The following ANXA1 variants were observed in gnomAD, a reference collection of about 807,000 sequenced individuals.
ANXA1 encodes the protein annexin I (lipocortin I).
In ANXA1, 39 loss-of-function variants were observed where a neutral mutation model predicts 47.9. That is an observed-to-expected ratio of 0.81 (90% CI 0.63 to 1.06). The LOEUF is 1.06. ANXA1 is among the 50% of genes least tolerant of loss of function. The pLI, the probability that ANXA1 is intolerant of heterozygous loss-of-function variation, is 0.00. For missense variants in ANXA1, 446 were observed against 422.7 expected (o/e 1.06, Z -0.48); for synonymous variants, 146 against 142.5 (o/e 1.02, Z -0.17).
intron 8 of ANXA1, 70 bp from the exon 9 acceptor site, chr9:73,165,046 A>G: frequency 8.1e-7 from 1 of 1,237,104 alleles, no homozygotes; most frequent in East Asian, 2.4e-5. Flanking sequence ...ATCTTTGACA[A>G]GGTCTAACAT....
intron 4 of ANXA1, 149 bp from the exon 5 acceptor site, chr9:73,160,114 G>C: frequency 2.1e-6 from 1 of 482,926 alleles, no homozygotes; most frequent in Non-Finnish European, 3.6e-6. Context: ...CAAAATATTT[G>C]GTACACTTTG....
Position 73,165,191 on chromosome 9 carries a change from T to C in ANXA1, c.688T>C (p.Tyr230His), listed in dbSNP as rs1824207128. Residue 230 changes from tyrosine (Y) to histidine (H), a missense_variant, in exon 9 of 13, where the codon TAT becomes CAT. Coordinates refer to ENST00000257497, the MANE Select transcript of ANXA1 (RefSeq NM_000700.3). ...VFNTILTTRS[Y>H]PQLRRVFQKY... ...CAATACCATCCTTACCACCAGAAGC[T>C]ATCCACAACTTCGCAGAGGTAACAA... 6.2e-7 allele frequency: 1 copy of C among 1,612,546 alleles called. No homozygotes were observed.
At chr9:73,151,971 T>C (rs1273957314) in intron 1 of ANXA1, 47 bp downstream of exon 1, 2 of 152,210 alleles carry the variant, frequency 1.3e-5, no homozygotes, top group African/African-American at 2.4e-5. Flanking sequence ...TTTTGAAAAC[T>C]TTTCTCATCA....
intron 1 of ANXA1, among the ~76,000 whole-genome samples, chr9:73,152,447 A>G (rs1823987079): frequency 6.6e-6 from 1 of 152,212 alleles, no homozygotes; most frequent in Non-Finnish European, 1.5e-5. Context: ...TCAAAGTGCT[A>G]ATCATGCTCT....
At chr9:73,159,533 A>C in intron 4 of ANXA1, 110 bp downstream of exon 4, 139 of 798,522 alleles carry the variant, frequency 1.7e-4, no homozygotes, top group Non-Finnish European at 2.5e-4. Context: ...CTGTTTTCTC[A>C]TTACATCTAT....
intron 1 of ANXA1, among the ~76,000 whole-genome samples, chr9:73,154,013 T>C (rs1824009159): frequency 6.6e-6 from 1 of 152,074 alleles, no homozygotes; most frequent in African/African-American, 2.4e-5. Context: ...TCAATGCTGA[T>C]GAGTCACTTA....
intron 1 of ANXA1, chr9:73,154,253 G>T (rs530143988): frequency 9.1e-4 from 1,160 of 1,273,886 alleles, no homozygotes; most frequent in Non-Finnish European, 1.1e-3. Context: ...TATGCACAAG[G>T]CCGTGCATTT....
chr9:73,156,163 AAAT>A (rs1283062410), intron 1 of ANXA1, among the ~76,000 whole-genome samples: 2 of 146,752 alleles, frequency 1.4e-5, no homozygotes, highest in Non-Finnish European at 3.0e-5. Context: ...ATAAATAAAT[AAAT>A]AAATAAAATA....
chr9:73,160,229 T>A, intron 4 of ANXA1, 34 bp from the exon 5 acceptor site: 2 of 1,446,936 alleles, frequency 1.4e-6, no homozygotes, highest in East Asian at 4.9e-5. Context: ...ATGTTACTTA[T>A]TGGAAGTCCT....
Position 73,159,411 on chromosome 9 carries a change from G to C in ANXA1, c.258G>C (p.Gln86His). Residue 86 changes from glutamine (Q) to histidine (H), a missense_variant, in exon 4 of 13, where the codon CAG becomes CAC. Transcript: ENST00000257497. ...QRQQIKAAYLQETGKPLDETL... is the reference protein window; with the variant it reads ...QRQQIKAAYLHETGKPLDETL... ...AACAGATCAAAGCAGCATATCTCCA[G>C]GAAACAGGAAAGGTAAGTTAGAGTG... 3.7e-6 allele frequency: 6 copies of C among 1,612,462 alleles called. No individual in the cohort carries two copies. Among genetic ancestry groups the C allele is most frequent in the Non-Finnish European group, 5.1e-6 (6 of 1,178,914 alleles).
At chr9:73,166,072 A>G in intron 9 of ANXA1, 25 bp from the exon 10 acceptor site, 3 of 1,546,012 alleles carry the variant, frequency 1.9e-6, no homozygotes, top group Non-Finnish European at 2.7e-6. Context: ...TTTTGCATGT[A>G]TCTTAGTTTG....
chr9:73,161,831 CA>C (rs1293574334), intron 6 of ANXA1, among the ~76,000 whole-genome samples: 3 of 152,220 alleles, frequency 2.0e-5, no homozygotes, highest in African/African-American at 7.2e-5. Flanking sequence ...ATATATTTTT[CA>C]TATGGCCAAG....
chr9:73,158,822 A>G lies in ANXA1; in HGVS notation c.175+19A>G, dbSNP rs1341293834. 1 of 1,588,380 alleles carries G rather than the reference A, an allele frequency of 6.3e-7. No homozygotes were observed. The highest frequency in any genetic ancestry group is 8.6e-7 in the Non-Finnish European group (1 of 1,157,176). On this transcript the variant is annotated intron_variant, in intron 3 of 12. Coordinates refer to ENST00000257497, the MANE Select transcript of ANXA1 (RefSeq NM_000700.3). ...GTTAAAGGTAACGTGTTTCCTCAAA[A>G]CAGTTCCCTCCTGGACATTTCAGAA...
rs772257128 is a variant in ANXA1 at position 73,154,382 on chromosome 9, T to C, written c.-15+2458T>C. The C allele has an allele frequency of 5.4e-5, 73 of 1,358,790 alleles. No individual in the cohort carries two copies. In the African/African-American group the frequency reaches 8.3e-4, roughly 15 times the overall value. The allele number at this position is 1,358,790 out of a possible 1,614,324, so 84.2% of individuals were successfully genotyped here. ...GAACACTGATCATGTCATTTTCTTTTTGGTCACTAATTCCCTCCCTCCCTT... is the reference window on the plus strand; with the variant it reads ...GAACACTGATCATGTCATTTTCTTTCTGGTCACTAATTCCCTCCCTCCCTT... On this transcript the variant is annotated intron_variant, in intron 1 of 12. Coordinates refer to ENST00000257497, the MANE Select transcript of ANXA1 (RefSeq NM_000700.3).
At chr9:73,168,051 T>C (rs1269053932) in intron 11 of ANXA1, 2 of 154,480 alleles carry the variant, frequency 1.3e-5, no homozygotes, top group African/African-American at 2.4e-5. Context: ...CTGTCTGACA[T>C]GCATGGTATT....
intron 1 of ANXA1, among the ~76,000 whole-genome samples, chr9:73,157,207 A>G (rs1419843749): frequency 1.3e-5 from 2 of 152,204 alleles, no homozygotes; most frequent in African/African-American, 2.4e-5. Flanking sequence ...ATGTGAAGAT[A>G]GCAATTACTT....
Position 73,163,612 on chromosome 9 carries a change from C to A in ANXA1, c.612+80C>A, listed in dbSNP as rs1189440521. The A allele has an allele frequency of 2.8e-6, 4 of 1,435,960 alleles. No individual in the cohort carries two copies. In the Admixed American group the frequency reaches 6.9e-5, roughly 25 times the overall value. The allele number at this position is 1,435,960 out of a possible 1,614,324, so 89.0% of individuals were successfully genotyped here. ...GCTACCACATGATCCCCTGTGAAAG[C>A]AAATCTAAGATCTTCTGAGAGACCA... On this transcript the variant is annotated intron_variant, in intron 8 of 12. Coordinates refer to ENST00000257497, the MANE Select transcript of ANXA1 (RefSeq NM_000700.3).
At chr9:73,164,438 C>T (rs538501461) in intron 8 of ANXA1, among the ~76,000 whole-genome samples, 1 of 152,144 alleles carries the variant, frequency 6.6e-6, no homozygotes, top group Admixed American at 6.6e-5. Flanking sequence ...ATAAAAAATT[C>T]TTATTTGCTT....
chr9:73,167,066 T>C (rs762524295), intron 10 of ANXA1, among the ~76,000 whole-genome samples: 3 of 152,144 alleles, frequency 2.0e-5, no homozygotes, highest in African/African-American at 7.2e-5. Context: ...AATAAGTAGT[T>C]TTTTGACCAA....
Sources: gnomAD v4.1 joint callset for allele counts (sites outside exome capture counted in the v4.1 genomes callset) on GRCh38, gnomAD v4.1.1 for gene constraint, MANE v1.5 for transcripts, NCBI Gene and HGNC (gene_info 2026-07-23, HGNC 2026-07-21) for gene names.